The following ARHGEF40 variants were observed in gnomAD, a reference collection of about 807,000 sequenced individuals.
The protein encoded by ARHGEF40 is Rho guanine nucleotide exchange factor 40, also known as Rho guanine nucleotide exchange factor (GEF) 40.
A neutral mutation model predicts 165.9 loss-of-function variants in ARHGEF40; 98 were observed. That is an observed-to-expected ratio of 0.59 (90% CI 0.50 to 0.70). The LOEUF (loss-of-function observed/expected upper bound fraction) is 0.70, where lower values mean the gene tolerates loss of function less well. Among genes scored for constraint, ARHGEF40 ranks in the 30% least tolerant of loss-of-function variants. ARHGEF40 has a pLI of 0.00. For synonymous variants in ARHGEF40, 792 were observed against 814.3 expected, an observed-to-expected ratio of 0.97 and a Z score of 0.47; for missense variants, 1,815 against 1,968.0, an observed-to-expected ratio of 0.92 and a Z score of 1.47.
rs1160995952 is a variant in ARHGEF40, at chr14:21,073,924, C to A, written c.202-8C>A. On this transcript the variant is annotated splice_region_variant and splice_polypyrimidine_tract_variant and intron_variant, in intron 2 of 23. Transcript: ENST00000298694. The surrounding 1 kb of genome is among the most constrained non-coding windows in gnomAD (Gnocchi z 4.6). ...GGCCTGAGTGCAGCCTCCCACCTCT[C>A]TCCCCAGGCCCAATACAGTGGATTC... 1.9e-6 allele frequency: 3 copies of A among 1,586,856 alleles called. No homozygotes were observed. In the South Asian group the frequency reaches 3.4e-5, roughly 18 times the overall value.
Position 21,073,262 on chromosome 14 carries a change from T to C in ARHGEF40, c.201+20T>C. 6.3e-7 allele frequency: 1 copy of C among 1,577,902 alleles called. No individual in the cohort carries two copies. The highest frequency in any genetic ancestry group is 8.6e-7 in the Non-Finnish European group (1 of 1,162,164). ...GCCTGTGTGAGTGGCCGTGCATCAC[T>C]ATTCTGCCTTCCCCAAGATCCACTG... On this transcript the variant is annotated intron_variant, in intron 2 of 23. Transcript: ENST00000298694. This position sits in a 1 kb window ranked among gnomAD's most constrained non-coding sequence, Gnocchi z 4.6.
intron 7 of ARHGEF40, 57 bp from the exon 8 acceptor site, chr14:21,076,717 G>T: frequency 6.2e-7 from 1 of 1,609,440 alleles, no homozygotes; most frequent in Non-Finnish European, 8.5e-7. Context: ...GGAGCCCCAG[G>T]CTGGTTTCTG....
intron 21 of ARHGEF40, 129 bp downstream of exon 21, chr14:21,087,592 C>T: frequency 7.5e-7 from 1 of 1,331,602 alleles, no homozygotes; most frequent in Non-Finnish European, 1.0e-6. Flanking sequence ...GTACAGCTTC[C>T]CCACCGCTAA....
chr14:21,065,872 G>A (rs1174984294), upstream of ARHGEF40, among the ~76,000 whole-genome samples: 1 of 152,204 alleles, frequency 6.6e-6, no homozygotes, highest in Admixed American at 6.5e-5. Context: ...GCCAAGGTGG[G>A]CGGATCACCT....
chr14:21,087,499 C>T lies in ARHGEF40; in HGVS notation c.4387+36C>T, dbSNP rs751905857. 2.5e-6 allele frequency: 4 copies of T among 1,596,256 alleles called. No individual in the cohort carries two copies. The African/African-American group carries it at 4.0e-5, about 16-fold the overall frequency. ...TCTCAAGGGGTGGCTCCCAACAGCT[C>T]GGTCATGGTGGTGATGTTCAGGCTG... On this transcript the variant is annotated intron_variant, in intron 21 of 23. Coordinates refer to ENST00000298694, the MANE Select transcript of ARHGEF40 (RefSeq NM_018071.5).
At chr14:21,079,802 C>T (rs1315215158) in intron 11 of ARHGEF40, among the ~76,000 whole-genome samples, 1 of 152,118 alleles carries the variant, frequency 6.6e-6, no homozygotes, top group Non-Finnish European at 1.5e-5. Flanking sequence ...TGCATCTCCT[C>T]CTGTTTGCTT....
chr14:21,077,552 G>A (rs1026285815), intron 8 of ARHGEF40, among the ~76,000 whole-genome samples: 1 of 152,080 alleles, frequency 6.6e-6, no homozygotes, highest in African/African-American at 2.4e-5. Context: ...GCTGGTTCTT[G>A]TTCCAAATTA....
At chr14:21,081,106 TG>T in intron 13 of ARHGEF40, 90 bp downstream of exon 13, 2 of 1,522,486 alleles carry the variant, frequency 1.3e-6, no homozygotes, top group African/African-American at 1.4e-5. Context: ...TTGTTAAAAG[TG>T]GAGGCTGAGG....
At chr14:21,079,033 C>T (rs1252434104) in intron 11 of ARHGEF40, 23 bp downstream of exon 11, 12 of 1,604,390 alleles carry the variant, frequency 7.5e-6, no homozygotes, top group African/African-American at 1.3e-5. Flanking sequence ...CCCCACGTCC[C>T]TCTTACTCAG....
rs764002064 is a variant in ARHGEF40, at chr14:21,076,450, A to G, written c.1830A>G (p.Gln610=). 6.2e-7 allele frequency: 1 copy of G among 1,614,006 alleles called. No individual in the cohort carries two copies. The highest frequency in any genetic ancestry group is 1.7e-5 in the Admixed American group (1 of 60,016). The part of the protein sequence containing the change: ...LPPALIPALS[Q]LQDSGDPPLV... ...CAGCACTCATTCCTGCCTTGAGCCA[A>G]CTTCAGGTAACCACCCCTCAAACAG... Residue 610 remains glutamine, a synonymous_variant, in exon 6 of 24, where the codon CAA becomes CAG. Transcript: ENST00000298694.
Position 21,087,122 on chromosome 14 carries a change from T to TG in ARHGEF40, c.4243+23dup. 1.2e-6 allele frequency: 2 copies of TG among 1,606,518 alleles called. No homozygotes were observed. The highest frequency in any genetic ancestry group is 1.7e-6 in the Non-Finnish European group (2 of 1,175,962). ...CTGGAAGAGGTGAGGGCCAGGGTGC[T>TG]GGGGGGTGGCCCCCAGGAGTGAAGA... On this transcript the variant is annotated intron_variant, in intron 20 of 23. Transcript: ENST00000298694.
At position 21,074,023 on chromosome 14, in the gene ARHGEF40, A is replaced by G. The variant is rs1390117516; in HGVS notation, c.293A>G (p.Gln98Arg). Reference sequence around the variant, plus strand: ...GTGCAGCTAGCAGCCCTACCCTGGCAACTGCTGCGCCCAGGAGACTTCTAT... The same window carrying G: ...GTGCAGCTAGCAGCCCTACCCTGGCGACTGCTGCGCCCAGGAGACTTCTAT... ...VVVQLAALPW[Q>R]LLRPGDFYLQ... is the part of the protein sequence containing the mutation. The change falls in exon 3 of 24, where the codon CAA becomes CGA. Residue 98 changes from glutamine (Q) to arginine (R), a missense_variant. Coordinates refer to ENST00000298694, the MANE Select transcript of ARHGEF40 (RefSeq NM_018071.5). This position sits in a 1 kb window ranked among gnomAD's most constrained non-coding sequence, Gnocchi z 4.8. The G allele has an allele frequency of 6.2e-7, 1 of 1,613,914 alleles. No individual in the cohort carries two copies. The highest frequency in any genetic ancestry group is 1.3e-5 in the African/African-American group (1 of 74,902).
rs373959653 is a variant in ARHGEF40 at position 21,078,942 on chromosome 14, C to G, written c.2305C>G (p.Leu769Val). 4.2e-5 allele frequency: 67 copies of G among 1,614,122 alleles called. No individual in the cohort carries two copies. Among genetic ancestry groups the G allele is most frequent in the Non-Finnish European group, 5.5e-5 (65 of 1,180,026 alleles). Residue 769 changes from leucine (L) to valine (V), a missense_variant, in exon 11 of 24, where the codon CTT becomes GTT. Transcript: ENST00000298694. ...YQEVDEAIHQ[L>V]VRLSNLHVQQ... is the part of the protein sequence containing the mutation. ...GGAAGTGGACGAGGCCATTCACCAG[C>G]TTGTGCGCCTCTCCAACCTGCACGT...
chr14:21,087,063 G>C lies in ARHGEF40; in HGVS notation c.4201G>C (p.Ala1401Pro). 6.2e-7 allele frequency: 1 copy of C among 1,608,608 alleles called. No individual in the cohort carries two copies. The highest frequency in any genetic ancestry group is 8.5e-7 in the Non-Finnish European group (1 of 1,177,368). Reference protein sequence around the residue: ...IGNKPFLDIKALGERTLSALL... With the variant: ...IGNKPFLDIKPLGERTLSALL... ...GAATAAACCCTTCCTGGACATCAAA[G>C]CCCTTGGGGAGCGGACGCTGAGTGC... Residue 1401 changes from alanine (A) to proline (P), a missense_variant, in exon 20 of 24, where the codon GCC (alanine) becomes CCC (proline). Transcript: ENST00000298694.
Position 21,070,905 on chromosome 14 carries a change from C to T in ARHGEF40, c.3+506C>T, listed in dbSNP as rs1594540597. On this transcript the variant is annotated intron_variant, in intron 1 of 23. Transcript: ENST00000298694. The surrounding 1 kb of genome is among the most constrained non-coding windows in gnomAD (Gnocchi z 4.7). ...CACCCATCCGGCCCTAGGGGACTGG[C>T]CACAGCTGTGGCTGGGCCGGGTCCC... is the stretch of plus-strand genomic sequence containing the variant. 1 of 1,524,604 alleles carries T rather than the reference C, an allele frequency of 6.6e-7. No individual in the cohort carries two copies. 94.4% of individuals were successfully genotyped at this position (1,524,604 alleles called of 1,614,324 possible). A position where few individuals can be genotyped will look rare whatever the true frequency, so the allele number is the denominator to read the frequency against.
intron 11 of ARHGEF40, among the ~76,000 whole-genome samples, chr14:21,080,233 CACACACACACACACA>C (rs1252282311): frequency 1.7e-4 from 25 of 143,200 alleles, no homozygotes; most frequent in Admixed American, 6.2e-4. Flanking sequence ...CACACACACA[CACACACACACACACA>C]CCCCTTCTGT....
chr14:21,074,551 G>T lies in ARHGEF40; in HGVS notation c.821G>T (p.Arg274Leu). 1 of 1,551,342 alleles carries T rather than the reference G, an allele frequency of 6.4e-7. No homozygotes were observed. Among genetic ancestry groups the T allele is most frequent in the Non-Finnish European group, 8.7e-7 (1 of 1,148,542 alleles). Residue 274 changes from arginine to leucine, a missense_variant, in exon 3 of 24, where the codon CGC becomes CTC. Transcript: ENST00000298694. The surrounding 1 kb of genome is among the most constrained non-coding windows in gnomAD (Gnocchi z 4.8). Reference sequence around the variant, plus strand: ...TCCAGAGTCCGGACGGTACCCACCCGCAAGGGCGCTGGAGGGAAGGGCCGC... The same window carrying T: ...TCCAGAGTCCGGACGGTACCCACCCTCAAGGGCGCTGGAGGGAAGGGCCGC... ...GLSRVRTVPT[R>L]KGAGGKGRHR...
rs563223886 is a variant in ARHGEF40, at chr14:21,070,520, TC to T, written c.3+122del. 171 of 1,198,034 alleles carry T rather than the reference TC, an allele frequency of 1.4e-4. 1 individual carries two copies. In the South Asian group the frequency reaches 3.0e-3, roughly 21 times the overall value. 74.2% of individuals were successfully genotyped at this position (1,198,034 alleles called of 1,614,324 possible). On this transcript the variant is annotated intron_variant, in intron 1 of 23. Transcript: ENST00000298694. The surrounding 1 kb of genome is among the most constrained non-coding windows in gnomAD (Gnocchi z 4.7). Reference sequence around the variant, plus strand: ...TCGGACTGTTCGGCCCCTCTGGGACTCTCCTCCCTCCCATCCCCCCTTCTTC... The same window carrying T: ...TCGGACTGTTCGGCCCCTCTGGGACTTCCTCCCTCCCATCCCCCCTTCTTC...
At chr14:21,087,618 G>T in intron 21 of ARHGEF40, 155 bp downstream of exon 21, 1 of 1,076,054 alleles carries the variant, frequency 9.3e-7, no homozygotes, top group Non-Finnish European at 1.3e-6. Flanking sequence ...CCTTCCATCT[G>T]GTTGCTAGGG....
Sources: gnomAD v4.1 joint callset for allele counts (sites outside exome capture counted in the v4.1 genomes callset) on GRCh38, gnomAD v4.1.1 for gene constraint, Gnocchi (gnomAD v3.1) non-coding constraint, MANE v1.5 for transcripts, NCBI Gene and HGNC (gene_info 2026-07-23, HGNC 2026-07-21) for gene names.